Variants in ITGA9 observed in about 807,000 individuals in gnomAD.
The protein encoded by ITGA9 is integrin alpha-9.
In ITGA9, 56 loss-of-function variants were observed where a neutral mutation model predicts 127.8. That is an observed-to-expected ratio of 0.44 (90% CI 0.35 to 0.55). ITGA9 has a LOEUF of 0.55. Ranked by LOEUF, ITGA9 falls within the 20% of genes least tolerant of loss-of-function variation. The pLI, the probability that ITGA9 is intolerant of heterozygous loss-of-function variation, is 0.00. For synonymous variants in ITGA9, 508 were observed against 514.5 expected, an observed-to-expected ratio of 0.99 and a Z score of 0.17; for missense variants, 1,196 against 1,347.1, an observed-to-expected ratio of 0.89 and a Z score of 1.76.
intron 14 of ITGA9, among the ~76,000 whole-genome samples, chr3:37,540,850 C>G (rs1047070380): frequency 1.3e-5 from 2 of 152,192 alleles, no homozygotes; most frequent in African/African-American, 4.8e-5. Flanking sequence ...AATGGCACCT[C>G]CTGAGAGTTT....
intron 18 of ITGA9, among the ~76,000 whole-genome samples, chr3:37,704,344 G>C (rs913404629): frequency 6.6e-6 from 1 of 152,152 alleles, no homozygotes; most frequent in Non-Finnish European, 1.5e-5. Context: ...CTCCACTCCA[G>C]GTCCTGGAAA....
rs1700204189 is a variant in ITGA9, at chr3:37,629,067, G to A, written c.1690-120G>A. ...TGAAAGTCATAAAACCCTACCTCACGAGGGTGATTGTGAGGATTATATGAG... is the reference window on the plus strand; with the variant it reads ...TGAAAGTCATAAAACCCTACCTCACAAGGGTGATTGTGAGGATTATATGAG... On this transcript the variant is annotated intron_variant, in intron 15 of 27. Coordinates refer to ENST00000264741, the MANE Select transcript of ITGA9 (RefSeq NM_002207.3). This position sits in a 1 kb window ranked among gnomAD's most constrained non-coding sequence, Gnocchi z 4.5. The A allele has an allele frequency of 4.3e-6, 5 of 1,156,436 alleles. No individual in the cohort carries two copies. The highest frequency in any genetic ancestry group is 3.9e-6 in the Non-Finnish European group (3 of 772,932). The allele number at this position is 1,156,436 out of a possible 1,614,324, so 71.6% of individuals were successfully genotyped here.
intron 23 of ITGA9, among the ~76,000 whole-genome samples, chr3:37,758,868 G>A (rs905014119): frequency 5.9e-5 from 9 of 152,026 alleles, no homozygotes; most frequent in East Asian, 3.8e-4. Context: ...GAAGCTGACT[G>A]TAAACTGCCT....
intron 17 of ITGA9, among the ~76,000 whole-genome samples, chr3:37,682,246 A>G (rs1251456370): frequency 6.6e-6 from 1 of 151,982 alleles, no homozygotes; most frequent in African/African-American, 2.4e-5. Context: ...CATCTCTGAA[A>G]CTCTCTCCAG....
chr3:37,667,926 G>T (rs901629040), intron 17 of ITGA9, among the ~76,000 whole-genome samples: 3 of 152,152 alleles, frequency 2.0e-5, no homozygotes, highest in Non-Finnish European at 4.4e-5. Flanking sequence ...CTGTCTTTAG[G>T]TGGAAACAAG....
intron 18 of ITGA9, among the ~76,000 whole-genome samples, chr3:37,704,132 T>A (rs907003542): frequency 1.1e-4 from 16 of 152,176 alleles, no homozygotes; most frequent in Non-Finnish European, 1.5e-5. Context: ...GCCAGGTGCT[T>A]TGTGAATTAG....
At position 37,820,349 on chromosome 3, in the gene ITGA9, A is replaced by G. The variant is rs1559608704; in HGVS notation, c.*1360A>G. The G allele has an allele frequency of 6.6e-6, 1 of 152,268 alleles. No homozygotes were observed. The highest frequency in any genetic ancestry group is 1.5e-5 in the Non-Finnish European group (1 of 68,090). The allele number at this position is 152,268 out of a possible 1,614,324, so 9.4% of individuals were successfully genotyped here. ...TTTTATTCTCAATTCCTGCTGGCGT[A>G]ATGGCTCCAGTAGCTCAGGACAGTC... On this transcript the variant is annotated 3_prime_UTR_variant, in exon 28 of 28. Coordinates refer to ENST00000264741, the MANE Select transcript of ITGA9 (RefSeq NM_002207.3).
intron 22 of ITGA9, among the ~76,000 whole-genome samples, chr3:37,747,358 G>T (rs1163509144): frequency 6.6e-6 from 1 of 152,090 alleles, no homozygotes; most frequent in Non-Finnish European, 1.5e-5. Context: ...TAAAATGGGG[G>T]TATCCATCCC....
chr3:37,618,476 C>G (rs967298749), intron 15 of ITGA9, among the ~76,000 whole-genome samples: 1 of 152,358 alleles, frequency 6.6e-6, no homozygotes, highest in Admixed American at 6.5e-5. Context: ...AGAACCACTA[C>G]TCTCTTCAAA....
intron 7 of ITGA9, among the ~76,000 whole-genome samples, chr3:37,507,786 G>A (rs566258570): frequency 6.6e-6 from 1 of 152,116 alleles, no homozygotes; most frequent in East Asian, 1.9e-4. Context: ...CTAGTGTCAG[G>A]GCACAAAAGC....
In ITGA9 at chr3:37,537,392, C is replaced by T. The variant is rs1217568578; in HGVS notation, c.1528+3924C>T. On this transcript the variant is annotated intron_variant, in intron 14 of 27. Transcript: ENST00000264741. ...GCTCCATATTAGCAGAGCCTCACAG[C>T]AAGCCTCTGGCAAAACAAGTGAGGT... is the stretch of plus-strand genomic sequence containing the variant. 4.6e-5 allele frequency among the ~76,000 whole-genome samples: 7 copies of T among 152,138 alleles called. No homozygotes were observed. In the East Asian group the frequency reaches 1.2e-3, roughly 25 times the overall value.
rs1700756842 is a variant in ITGA9, at chr3:37,683,897, G to A, written c.1949G>A (p.Gly650Glu). The change falls in exon 18 of 28, where the codon GGG becomes GAG. Residue 650 changes from glycine to glutamate, a missense_variant. Physicochemically the swap from Gly to Glu is moderately conservative, Grantham distance 98. Coordinates refer to ENST00000264741, the MANE Select transcript of ITGA9 (RefSeq NM_002207.3). ...GAGAAAACCCTGTATCTAGCTTTGG[G>A]GGCTGTGAAGAACATCTCCCTAAAC... is the stretch of plus-strand genomic sequence containing the variant. Reference protein sequence around the residue: ...MDEKTLYLALGAVKNISLNIS... With the variant: ...MDEKTLYLALEAVKNISLNIS... The A allele has an allele frequency of 6.2e-7, 1 of 1,613,894 alleles. No homozygotes were observed. The highest frequency in any genetic ancestry group is 1.3e-5 in the African/African-American group (1 of 74,888).
At chr3:37,566,657 C>A (rs1229707600) in intron 15 of ITGA9, among the ~76,000 whole-genome samples, 3 of 152,192 alleles carry the variant, frequency 2.0e-5, no homozygotes, top group African/African-American at 7.2e-5. Flanking sequence ...CAGAGCTTGG[C>A]TACAGAGGAG....
chr3:37,612,447 G>A (rs575127932), intron 15 of ITGA9, among the ~76,000 whole-genome samples: 2 of 152,270 alleles, frequency 1.3e-5, no homozygotes, highest in East Asian at 1.9e-4. Context: ...ATTTCAAGGT[G>A]TCTACAACTA....
At chr3:37,603,091 T>A (rs1291898582) in intron 15 of ITGA9, among the ~76,000 whole-genome samples, 2 of 152,212 alleles carry the variant, frequency 1.3e-5, no homozygotes, top group African/African-American at 2.4e-5. Context: ...TTTCAATTCC[T>A]TTATTACTTC....
At chr3:37,633,384 C>A (rs1044116734) in intron 16 of ITGA9, among the ~76,000 whole-genome samples, 18 of 152,142 alleles carry the variant, frequency 1.2e-4, no homozygotes, top group African/African-American at 4.3e-4. Context: ...ATACACCTAA[C>A]CTGCTGAATA....
At chr3:37,545,138 G>T (rs564526114) in intron 15 of ITGA9, among the ~76,000 whole-genome samples, 15 of 152,276 alleles carry the variant, frequency 9.9e-5, no homozygotes, top group Admixed American at 7.8e-4. Context: ...GGGCCTGGGG[G>T]GTGTTGGTCA....
intron 15 of ITGA9, among the ~76,000 whole-genome samples, chr3:37,556,021 A>G (rs929823033): frequency 1.3e-5 from 2 of 152,270 alleles, no homozygotes; most frequent in African/African-American, 4.8e-5. Context: ...CTTTTAGCGT[A>G]GAAAAGCCCT....
intron 2 of ITGA9, among the ~76,000 whole-genome samples, chr3:37,472,589 TTTCGCCATG>T (rs1698444789): frequency 6.6e-6 from 1 of 151,922 alleles, no homozygotes; most frequent in African/African-American, 2.4e-5. Context: ...GGAGACGGGG[TTTCGCCATG>T]TTGGCCAGGC....
Sources: gnomAD v4.1 joint callset for allele counts (sites outside exome capture counted in the v4.1 genomes callset) on GRCh38, gnomAD v4.1.1 for gene constraint, Gnocchi (gnomAD v3.1) non-coding constraint, MANE v1.5 for transcripts, NCBI Gene and HGNC (gene_info 2026-07-23, HGNC 2026-07-21) for gene names.